Variants in GALNT17 observed in about 807,000 individuals in gnomAD.
GALNT17 encodes the protein polypeptide N-acetylgalactosaminyltransferase 17, also known as UDP-GalNAc:polypeptide N-acetylgalactosaminyltransferase-like 3.
A neutral mutation model predicts 63.7 loss-of-function variants in GALNT17; 29 were observed. The ratio of observed to expected loss-of-function variants is 0.46; its 90% CI spans 0.34 to 0.62. GALNT17 has a LOEUF of 0.62. GALNT17 is among the 20% of genes least tolerant of loss of function. The pLI is 0.01. For missense variants in GALNT17, 603 were observed against 799.6 expected (o/e 0.75, Z 2.97); for synonymous variants, 305 against 318.3 (o/e 0.96, Z 0.45).
intron 1 of GALNT17, among the ~76,000 whole-genome samples, chr7:71,236,171 G>C (rs1789886691): frequency 6.6e-6 from 1 of 150,578 alleles, no homozygotes; most frequent in Admixed American, 6.6e-5. Context: ...GACAGAGTGA[G>C]ACTCTGTCTC....
chr7:71,223,289 T>C (rs1437295482), intron 1 of GALNT17, among the ~76,000 whole-genome samples: 1 of 152,190 alleles, frequency 6.6e-6, no homozygotes, highest in African/African-American at 2.4e-5. Flanking sequence ...TCCTCCCACA[T>C]TTATTAATTG....
chr7:71,419,357 A>G (rs1786616813), intron 4 of GALNT17, among the ~76,000 whole-genome samples: 1 of 152,270 alleles, frequency 6.6e-6, no homozygotes, highest in African/African-American at 2.4e-5. Context: ...CATTTATATA[A>G]TGCTGATCAT....
chr7:71,356,279 T>G (rs1792283628), intron 2 of GALNT17, among the ~76,000 whole-genome samples: 1 of 152,238 alleles, frequency 6.6e-6, no homozygotes, highest in South Asian at 2.1e-4. Flanking sequence ...TTTGTTGATT[T>G]GCAATGATTC....
rs1198942369 is a variant in GALNT17 at position 71,713,060 on chromosome 7, C to T, written c.*914C>T. The stretch of plus-strand genomic sequence containing the variant: ...GGCTCACCTCATTTCACCCCACGCT[C>T]TGCTGGCTGGCAGAGGAGAAGGCAG... On this transcript the variant is annotated 3_prime_UTR_variant, in exon 11 of 11. Transcript: ENST00000333538. 6.5e-6 allele frequency: 1 copy of T among 152,738 alleles called. No individual in the cohort carries two copies. Among genetic ancestry groups the T allele is most frequent in the East Asian group, 1.9e-4 (1 of 5,182 alleles). 9.5% of individuals were successfully genotyped at this position (152,738 alleles called of 1,614,324 possible). A position where few individuals can be genotyped will look rare whatever the true frequency, so the allele number is the denominator to read the frequency against.
intron 9 of GALNT17, among the ~76,000 whole-genome samples, chr7:71,694,417 G>A (rs1198999400): frequency 7.2e-6 from 1 of 139,602 alleles, no homozygotes; most frequent in Non-Finnish European, 1.5e-5. Context: ...AAGTGCAGTT[G>A]CACAATCTCG....
At chr7:71,242,114 T>C in intron 1 of GALNT17, among the ~76,000 whole-genome samples, 1 of 151,968 alleles carries the variant, frequency 6.6e-6, no homozygotes, top group South Asian at 2.1e-4. Flanking sequence ...ACAACCAGCT[T>C]TCTTGTGAAC....
intron 1 of GALNT17, among the ~76,000 whole-genome samples, chr7:71,303,960 C>T (rs986014152): frequency 3.9e-5 from 6 of 152,148 alleles, no homozygotes; most frequent in Admixed American, 6.5e-5. Context: ...TGCAAACAAT[C>T]GGCTTTTCTT....
At chr7:71,405,821 C>G (rs1793318302) in intron 3 of GALNT17, among the ~76,000 whole-genome samples, 1 of 152,150 alleles carries the variant, frequency 6.6e-6, no homozygotes, top group Admixed American at 6.5e-5. Context: ...CCTCTTAATA[C>G]CACCCCATTG....
chr7:71,232,986 T>C (rs1399090823), intron 1 of GALNT17, among the ~76,000 whole-genome samples: 1 of 152,140 alleles, frequency 6.6e-6, no homozygotes, highest in African/African-American at 2.4e-5. Context: ...TTCACACATA[T>C]TGTCTCCTTT....
intron 2 of GALNT17, among the ~76,000 whole-genome samples, chr7:71,360,948 C>T (rs1247585743): frequency 3.3e-5 from 5 of 152,090 alleles, no homozygotes; most frequent in East Asian, 1.9e-4. Flanking sequence ...CCTTAAAAGA[C>T]GTCCTTAAAA....
chr7:71,644,561 A>G (rs1790649205), intron 6 of GALNT17, among the ~76,000 whole-genome samples: 1 of 150,514 alleles, frequency 6.6e-6, no homozygotes, highest in Non-Finnish European at 1.5e-5. Context: ...AAAAGAAAAA[A>G]AAAAGAAGAG....
intron 1 of GALNT17, among the ~76,000 whole-genome samples, chr7:71,278,474 A>T (rs1327730599): frequency 6.6e-6 from 1 of 152,252 alleles, no homozygotes; most frequent in Admixed American, 6.5e-5. Context: ...TTTGGCTTGT[A>T]GCTGCATTAC....
intron 8 of GALNT17, among the ~76,000 whole-genome samples, chr7:71,676,004 A>G (rs529352): frequency 0.93 from 142,318 of 152,222 alleles, 67,139 homozygotes; most frequent in Non-Finnish European, 1. Flanking sequence ...AAGAAAAGAA[A>G]AGAAAAAGAA....
intron 1 of GALNT17, among the ~76,000 whole-genome samples, chr7:71,137,641 T>C (rs1402177342): frequency 6.6e-6 from 1 of 152,102 alleles, no homozygotes; most frequent in Non-Finnish European, 1.5e-5. Context: ...CTGGGAGGAC[T>C]CAGCTAGAGA....
chr7:71,198,242 G>A lies in GALNT17; in HGVS notation c.238+65202G>A, dbSNP rs78567697. Among the ~76,000 whole-genome samples the A allele has an allele frequency of 6.9e-3, 1,045 of 151,602 alleles. 11 individuals carry two copies. The highest frequency in any genetic ancestry group is 0.024 in the African/African-American group (997 of 41,312). On this transcript the variant is annotated intron_variant, in intron 1 of 10. Transcript: ENST00000333538. ...GGATGCAAATACCAACTTCAAGTGG[G>A]TATGGTGTGGGTTAAATTAGAAATA...
chr7:71,336,818 A>C (rs1239835989), intron 2 of GALNT17, among the ~76,000 whole-genome samples: 1 of 152,182 alleles, frequency 6.6e-6, no homozygotes, highest in Non-Finnish European at 1.5e-5. Context: ...ATGTGTCTTT[A>C]TGATAGAACA....
rs2079963 is a variant in GALNT17, at chr7:71,683,646, T to G, written c.1500+6340T>G. Among the ~76,000 whole-genome samples the G allele has an allele frequency of 3.4e-3, 519 of 152,324 alleles. 6 individuals carry two copies. The highest frequency in any genetic ancestry group is 0.012 in the African/African-American group (490 of 41,578). ...CTCGGAAATGTCTGTCGCCTTGGTT[T>G]TGGCTGATTACTAATTAGAATTAGA... On this transcript the variant is annotated intron_variant, in intron 9 of 10. Coordinates refer to ENST00000333538, the MANE Select transcript of GALNT17 (RefSeq NM_022479.3).
At chr7:71,649,270 A>G (rs925381800) in intron 6 of GALNT17, among the ~76,000 whole-genome samples, 1 of 152,168 alleles carries the variant, frequency 6.6e-6, no homozygotes, top group African/African-American at 2.4e-5. Context: ...CTCACATCTC[A>G]TGGGCCATTT....
At chr7:71,227,651 T>C (rs1789706688) in intron 1 of GALNT17, among the ~76,000 whole-genome samples, 2 of 152,188 alleles carry the variant, frequency 1.3e-5, no homozygotes, top group Admixed American at 6.5e-5. Flanking sequence ...TTTGATGGCA[T>C]ACAGCATGAG....
Sources: gnomAD v4.1 joint callset for allele counts (sites outside exome capture counted in the v4.1 genomes callset) on GRCh38, gnomAD v4.1.1 for gene constraint, MANE v1.5 for transcripts, NCBI Gene and HGNC (gene_info 2026-07-23, HGNC 2026-07-21) for gene names.